NDST4: variants seen among roughly 807,000 people sequenced by gnomAD.
The protein encoded by NDST4 is N-heparan sulfate sulfotransferase 4.
In NDST4, 63 loss-of-function variants were observed where a neutral mutation model predicts 100.8. The ratio of observed to expected loss-of-function variants is 0.62; its 90% CI spans 0.51 to 0.77. NDST4 has a LOEUF of 0.77. NDST4 is among the 30% of genes least tolerant of loss of function. The probability of loss-of-function intolerance (pLI) is 0.00; values close to 1 mark genes in which losing one functional copy is unlikely to be tolerated. For synonymous variants in NDST4, 377 were observed against 361.8 expected, an observed-to-expected ratio of 1.04 and a Z score of -0.48; for missense variants, 943 against 1,018.4, an observed-to-expected ratio of 0.93 and a Z score of 1.01.
intron 1 of NDST4, among the ~76,000 whole-genome samples, chr4:115,099,590 T>C (rs750338190): frequency 3.3e-5 from 5 of 151,832 alleles, no homozygotes; most frequent in African/African-American, 9.7e-5. Context: ...TACTGGGGAG[T>C]TGCGAATTAA....
intron 6 of NDST4, among the ~76,000 whole-genome samples, chr4:114,916,906 TG>T (rs1311432131): frequency 6.6e-6 from 1 of 151,984 alleles, no homozygotes; most frequent in Non-Finnish European, 1.5e-5. Context: ...TTTATTTCTC[TG>T]GAACACTATA....
intron 2 of NDST4, among the ~76,000 whole-genome samples, chr4:114,998,596 C>T (rs1377846241): frequency 1.3e-5 from 2 of 152,048 alleles, no homozygotes; most frequent in African/African-American, 2.4e-5. Context: ...AGAATTCAGG[C>T]TTTTAAGCCT....
chr4:114,878,852 T>C (rs1217938904), intron 6 of NDST4, among the ~76,000 whole-genome samples: 1 of 152,002 alleles, frequency 6.6e-6, no homozygotes, highest in Non-Finnish European at 1.5e-5. Flanking sequence ...ATCATATCTT[T>C]TGTAAGCAAA....
In NDST4 at chr4:115,057,498, G is replaced by A. The variant is rs185505854; in HGVS notation, c.978+18561C>T. Among the ~76,000 whole-genome samples the A allele has an allele frequency of 3.3e-3, 507 of 152,206 alleles. 5 individuals are homozygous for A. Among genetic ancestry groups the A allele is most frequent in the African/African-American group, 0.012 (483 of 41,552 alleles). On this transcript the variant is annotated intron_variant, in intron 2 of 13. Transcript: ENST00000264363. The stretch of plus-strand genomic sequence containing the variant: ...CAATATAGCAACCCATGAGCGGCCT[G>A]CAGAAAAATGCCAACCTGAAAGTAC...
At chr4:114,912,572 A>G (rs562773124) in intron 6 of NDST4, among the ~76,000 whole-genome samples, 1 of 152,276 alleles carries the variant, frequency 6.6e-6, no homozygotes, top group South Asian at 2.1e-4. Flanking sequence ...AAGGAGGAAG[A>G]CGGTAGAATT....
chr4:114,848,749 A>G (rs898380544), intron 8 of NDST4, among the ~76,000 whole-genome samples: 3 of 152,160 alleles, frequency 2.0e-5, no homozygotes, highest in African/African-American at 7.2e-5. Flanking sequence ...AATTCAGATG[A>G]ATGAAATCAA....
chr4:114,878,031 AGAAAT>A, intron 6 of NDST4, among the ~76,000 whole-genome samples: 1 of 152,270 alleles, frequency 6.6e-6, no homozygotes, highest in East Asian at 1.9e-4. Context: ...AAGAGAAAAA[AGAAAT>A]GAAAGGAAAA....
intron 10 of NDST4, among the ~76,000 whole-genome samples, chr4:114,844,057 T>C (rs72893322): frequency 0.093 from 12,776 of 137,712 alleles, 1,355 homozygotes; most frequent in African/African-American, 0.26. Context: ...AGGGCCCACA[T>C]TGGAAATTTG....
chr4:114,892,493 G>A (rs918638745), intron 6 of NDST4, among the ~76,000 whole-genome samples: 1 of 151,990 alleles, frequency 6.6e-6, no homozygotes, highest in African/African-American at 2.4e-5. Context: ...TTTTACCTAA[G>A]TAGCCAATAC....
intron 1 of NDST4, among the ~76,000 whole-genome samples, chr4:115,084,640 A>T (rs1729372128): frequency 6.6e-6 from 1 of 152,194 alleles, no homozygotes; most frequent in South Asian, 2.1e-4. Context: ...AAAGGGGCCA[A>T]CATATAGCTC....
chr4:114,948,343 T>C (rs925314752), intron 4 of NDST4, among the ~76,000 whole-genome samples: 2 of 150,676 alleles, frequency 1.3e-5, no homozygotes, highest in African/African-American at 4.9e-5. Context: ...CTTCTCTTAC[T>C]TAAAATAATG....
At chr4:114,943,917 G>A (rs1421837577) in intron 4 of NDST4, among the ~76,000 whole-genome samples, 1 of 152,116 alleles carries the variant, frequency 6.6e-6, no homozygotes, top group Non-Finnish European at 1.5e-5. Flanking sequence ...GTGTTAATTT[G>A]TTGAGAAAAG....
intron 2 of NDST4, among the ~76,000 whole-genome samples, chr4:114,981,490 G>A (rs938412027): frequency 1.3e-5 from 2 of 151,972 alleles, no homozygotes; most frequent in Admixed American, 6.6e-5. Context: ...TCTAATAAAC[G>A]TCGAGCAATT....
At chr4:115,034,577 T>C (rs1350090140) in intron 2 of NDST4, among the ~76,000 whole-genome samples, 2 of 152,148 alleles carry the variant, frequency 1.3e-5, no homozygotes, top group East Asian at 3.9e-4. Context: ...CAAAATTCTA[T>C]TGCTTTAAAG....
At chr4:114,966,722 G>A (rs1726390728) in intron 4 of NDST4, among the ~76,000 whole-genome samples, 1 of 151,958 alleles carries the variant, frequency 6.6e-6, no homozygotes, top group Non-Finnish European at 1.5e-5. Context: ...TCTCATAATT[G>A]CTTCAATTCC....
chr4:115,044,127 A>G (rs1223643003), intron 2 of NDST4, among the ~76,000 whole-genome samples: 4 of 152,136 alleles, frequency 2.6e-5, no homozygotes, highest in Non-Finnish European at 5.9e-5. Flanking sequence ...TCTTGGGCAG[A>G]GACTGAATTG....
At chr4:115,057,733 CAG>C (rs1553920440) in intron 2 of NDST4, among the ~76,000 whole-genome samples, 157 of 71,884 alleles carry the variant, frequency 2.2e-3, no homozygotes, top group African/African-American at 8.5e-3. Context: ...CACACACACA[CAG>C]ACACACACAC....
In NDST4 at chr4:114,879,163, C is replaced by T. The variant is rs541006822; in HGVS notation, c.1537-8213G>A. ...TCCATTACCTCAAATATTTACCTTTCTTTGTGATGAGTACATTTAAAATCT... is the reference window on the plus strand; with the variant it reads ...TCCATTACCTCAAATATTTACCTTTTTTTGTGATGAGTACATTTAAAATCT... On this transcript the variant is annotated intron_variant, in intron 6 of 13. Coordinates refer to ENST00000264363, the MANE Select transcript of NDST4 (RefSeq NM_022569.3). Among the ~76,000 whole-genome samples the T allele has an allele frequency of 9.3e-4, 141 of 152,176 alleles. 5 individuals are homozygous for T. In the South Asian group the frequency reaches 0.028, roughly 30 times the overall value.
At chr4:115,091,743 T>G (rs1007366341) in intron 1 of NDST4, among the ~76,000 whole-genome samples, 12 of 152,284 alleles carry the variant, frequency 7.9e-5, no homozygotes, top group African/African-American at 2.9e-4. Context: ...AGGTTGTGCT[T>G]GCAATGAAGT....
Sources: allele counts gnomAD v4.1 joint callset (sites outside exome capture counted in the v4.1 genomes callset), GRCh38; gene constraint gnomAD v4.1.1; transcripts MANE v1.5; gene names NCBI Gene and HGNC (gene_info 2026-07-23, HGNC 2026-07-21).